MIA2: variants seen among roughly 807,000 people sequenced by gnomAD.
The protein encoded by MIA2 is melanoma inhibitory activity protein 2.
A neutral mutation model predicts 167.8 loss-of-function variants in MIA2; 127 were observed. That is an observed-to-expected ratio of 0.76 (90% confidence interval 0.66 to 0.88). The LOEUF (loss-of-function observed/expected upper bound fraction) is 0.88, where lower values mean the gene tolerates loss of function less well. Among genes scored for constraint, MIA2 ranks in the 40% least tolerant of loss-of-function variants. The pLI is 0.00. For missense variants in MIA2, 1,690 were observed against 1,624.7 expected (o/e 1.04, Z -0.69); for synonymous variants, 552 against 541.9 (o/e 1.02, Z -0.26).
intron 14 of MIA2, among the ~76,000 whole-genome samples, chr14:39,300,528 T>G (rs1296313138): frequency 6.6e-6 from 1 of 151,968 alleles, no homozygotes; most frequent in East Asian, 1.9e-4. Flanking sequence ...AATAATGATA[T>G]GTAAAACTAA....
chr14:39,251,396 T>C (rs1365604669), intron 4 of MIA2, among the ~76,000 whole-genome samples: 1 of 152,072 alleles, frequency 6.6e-6, no homozygotes, highest in Non-Finnish European at 1.5e-5. Flanking sequence ...AAAGCATATC[T>C]GTATTTAATA....
At position 39,293,372 on chromosome 14, in the gene MIA2, A is replaced by C. The variant is rs2060986894; in HGVS notation, c.2310A>C (p.Gln770His). ...AAGAGAAATCCAAACATTCTGAACA[A>C]GATGAATTGGTAAGGCTTTTTTATT... is the stretch of plus-strand genomic sequence containing the variant. ...LKEEKSKHSE[Q>H]DELMADISKR... The change falls in exon 11 of 29, where the codon CAA becomes CAC. Residue 770 changes from glutamine (Q) to histidine (H), a missense_variant. Coordinates refer to ENST00000640607, the MANE Select transcript of MIA2 (RefSeq NM_001329214.4). The C allele has an allele frequency of 6.3e-7, 1 of 1,577,166 alleles. No homozygotes were observed. Among genetic ancestry groups the C allele is most frequent in the Non-Finnish European group, 8.7e-7 (1 of 1,152,690 alleles).
At chr14:39,301,991 TAAG>T in intron 14 of MIA2, 135 bp from the exon 15 acceptor site, 1 of 982,550 alleles carries the variant, frequency 1.0e-6, no homozygotes, top group Non-Finnish European at 1.5e-6. Context: ...AATATCTTAA[TAAG>T]AGGTGGAAAA....
chr14:39,255,098 A>AT (rs966507775), intron 6 of MIA2, among the ~76,000 whole-genome samples: 22 of 151,562 alleles, frequency 1.5e-4, no homozygotes, highest in African/African-American at 4.6e-4. Context: ...TCCTCACTTA[A>AT]TTTTTTTTTG....
At chr14:39,275,025 A>T (rs2057749005) in intron 6 of MIA2, among the ~76,000 whole-genome samples, 1 of 149,656 alleles carries the variant, frequency 6.7e-6, no homozygotes, top group Non-Finnish European at 1.5e-5. Flanking sequence ...CAGTAAGCCT[A>T]CACGGTGCCG....
intron 9 of MIA2, among the ~76,000 whole-genome samples, chr14:39,285,524 C>T (rs1275161957): frequency 2.1e-5 from 3 of 143,592 alleles, no homozygotes; most frequent in African/African-American, 7.7e-5. Flanking sequence ...CGGGGGCTGA[C>T]CCCCCACCTC....
chr14:39,263,649 T>TTC (rs2055254382), intron 6 of MIA2, among the ~76,000 whole-genome samples: 2 of 147,582 alleles, frequency 1.4e-5, no homozygotes, highest in African/African-American at 5.1e-5. Context: ...TTTTTTTTTC[T>TTC]GAGACAGAGT....
chr14:39,250,391 A>G (rs2054507724), intron 4 of MIA2, among the ~76,000 whole-genome samples: 1 of 151,850 alleles, frequency 6.6e-6, no homozygotes, highest in South Asian at 2.1e-4. Context: ...ACACAGTGAC[A>G]CTTTTTCTCT....
Position 39,321,038 on chromosome 14 carries a change from C to T in MIA2, c.3478C>T (p.Pro1160Ser). ...TCCACTCAGACTCTCACCTTTGCTT[C>T]CAGGGGGAGGAGGAAGAGGTATATT... Reference protein sequence around the residue: ...EGPLRLSPLLPGGGGRGSRGP... With the variant: ...EGPLRLSPLLSGGGGRGSRGP... The change falls in exon 24 of 29, where the codon CCA becomes TCA. Residue 1160 changes from proline to serine, a missense_variant. By Grantham distance (74) the Pro-to-Ser change is moderately conservative (BLOSUM62 -1). Coordinates refer to ENST00000640607, the MANE Select transcript of MIA2 (RefSeq NM_001329214.4). 1.2e-6 allele frequency: 2 copies of T among 1,612,980 alleles called. No individual in the cohort carries two copies. Among genetic ancestry groups the T allele is most frequent in the Non-Finnish European group, 1.7e-6 (2 of 1,179,540 alleles).
At chr14:39,356,920 T>G (rs1302509047) in intron 23 of MIA2, among the ~76,000 whole-genome samples, 1 of 152,206 alleles carries the variant, frequency 6.6e-6, no homozygotes, top group East Asian at 1.9e-4. Context: ...TGAGAGAAAG[T>G]TTGTTATAAT....
In MIA2 at chr14:39,287,060, G is replaced by A. The variant is rs1323627477; in HGVS notation, c.2131-3959G>A. Among the ~76,000 whole-genome samples the A allele has an allele frequency of 2.0e-5, 3 of 150,552 alleles. No homozygotes were observed. The East Asian group carries it at 6.0e-4, about 30-fold the overall frequency. On this transcript the variant is annotated intron_variant, in intron 9 of 28. Coordinates refer to ENST00000640607, the MANE Select transcript of MIA2 (RefSeq NM_001329214.4). Reference sequence around the variant, plus strand: ...TTTTTCTTGTCTAATTGCTTTGATAGTACTTCCAGTACTATTTTGTTTTTG... The same window carrying A: ...TTTTTCTTGTCTAATTGCTTTGATAATACTTCCAGTACTATTTTGTTTTTG...
intron 6 of MIA2, chr14:39,276,630 G>C (rs995402372): frequency 3.9e-6 from 1 of 255,618 alleles, no homozygotes; most frequent in Non-Finnish European, 7.5e-6. Flanking sequence ...TGAAATCAGG[G>C]TAAGAGTACC....
intron 18 of MIA2, among the ~76,000 whole-genome samples, chr14:39,311,540 T>TGATCTTG (rs569637780): frequency 2.1e-4 from 31 of 144,892 alleles, no homozygotes; most frequent in African/African-American, 7.4e-4. Context: ...TACAATGGTG[T>TGATCTTG]GATCTTGGCT....
In MIA2 at chr14:39,299,976, G is replaced by A. The variant is rs960339545; in HGVS notation, c.2609G>A (p.Ser870Asn). ...HAEQVLNDKE[S>N]HIKTLTERLL... is the part of the protein sequence containing the mutation. ...GAACAAGTTCTAAATGATAAAGAAAGTCACATCAAGGTAAATGGCTCTACT... is the reference window on the plus strand; with the variant it reads ...GAACAAGTTCTAAATGATAAAGAAAATCACATCAAGGTAAATGGCTCTACT... Residue 870 changes from serine (S) to asparagine (N), a missense_variant, in exon 14 of 29, where the codon AGT becomes AAT. Coordinates refer to ENST00000640607, the MANE Select transcript of MIA2 (RefSeq NM_001329214.4). 2 of 1,595,014 alleles carry A rather than the reference G, an allele frequency of 1.3e-6. No homozygotes were observed. The highest frequency in any genetic ancestry group is 8.5e-7 in the Non-Finnish European group (1 of 1,173,748).
chr14:39,317,890 C>T, intron 21 of MIA2, 54 bp from the exon 22 acceptor site: 2 of 1,178,592 alleles, frequency 1.7e-6, no homozygotes, highest in South Asian at 1.6e-5. Flanking sequence ...CATATTTATG[C>T]TTATTTTTTA....
chr14:39,319,441 A>G (rs529825514), intron 23 of MIA2, 150 bp downstream of exon 23: 3 of 379,560 alleles, frequency 7.9e-6, no homozygotes, highest in South Asian at 1.3e-4. Flanking sequence ...AAGCTTTCTC[A>G]TAGACTCACA....
intron 23 of MIA2, among the ~76,000 whole-genome samples, chr14:39,364,206 A>C (rs2074765202): frequency 6.6e-6 from 1 of 152,136 alleles, no homozygotes; most frequent in African/African-American, 2.4e-5. Context: ...AAAAATACAA[A>C]AATTAGCTGG....
chr14:39,288,926 A>G (rs189179675), intron 9 of MIA2, among the ~76,000 whole-genome samples: 237 of 151,958 alleles, frequency 1.6e-3, no homozygotes, highest in African/African-American at 4.1e-3. Flanking sequence ...TTGTTTGTTT[A>G]TTTATTTATT....
rs959857438 is a variant in MIA2, at chr14:39,348,755, C to T, written c.3850C>T (p.Pro1284Ser). ...CAATTTGTTGTAGAATTTAAATGTG[C>T]CTGATTCATCTCTCCCTGCTGAAAA... ...TKDDLGNLNV[P>S]DSSLPAENEA... Residue 1284 changes from proline to serine, a missense_variant, in exon 28 of 29, where the codon CCT becomes TCT. By Grantham distance (74) the Pro-to-Ser change is moderately conservative. Coordinates refer to ENST00000640607, the MANE Select transcript of MIA2 (RefSeq NM_001329214.4). 9 of 1,613,718 alleles carry T rather than the reference C, an allele frequency of 5.6e-6. 1 individual carries two copies. The African/African-American group carries it at 1.1e-4, about 19-fold the overall frequency.
Sources: allele counts gnomAD v4.1 joint callset (sites outside exome capture counted in the v4.1 genomes callset), GRCh38; gene constraint gnomAD v4.1.1; transcripts MANE v1.5; gene names NCBI Gene and HGNC (gene_info 2026-07-23, HGNC 2026-07-21).